NAV3: variants seen among roughly 807,000 people sequenced by gnomAD.
NAV3 encodes pore membrane and/or filament interacting like protein 1.
In NAV3, 87 loss-of-function variants were observed where a neutral mutation model predicts 244.7. That is an observed-to-expected ratio of 0.36 (90% confidence interval 0.30 to 0.42). NAV3 has a LOEUF of 0.42. Ranked by LOEUF, NAV3 falls within the 20% of genes least tolerant of loss-of-function variation. The pLI, the probability that NAV3 is intolerant of heterozygous loss-of-function variation, is 1.00. For missense variants in NAV3, 2,663 were observed against 2,893.3 expected, an observed-to-expected ratio of 0.92 and a Z score of 1.83; for synonymous variants, 1,126 against 1,042.2, an observed-to-expected ratio of 1.08 and a Z score of -1.55.
chr12:78,134,556 G>C (rs1956293487), intron 18 of NAV3, among the ~76,000 whole-genome samples: 1 of 152,174 alleles, frequency 6.6e-6, no homozygotes, highest in Non-Finnish European at 1.5e-5. Context: ...ATGTCTAGCT[G>C]TAGATGCAAA....
chr12:77,706,523 C>T (rs1289567042), intron 2 of NAV3, among the ~76,000 whole-genome samples: 1 of 151,084 alleles, frequency 6.6e-6, no homozygotes, highest in East Asian at 1.9e-4. Flanking sequence ...CTTGGCTGAT[C>T]GTTATCAATA....
intron 2 of NAV3, among the ~76,000 whole-genome samples, chr12:77,606,649 A>G (rs1870683522): frequency 1.3e-5 from 2 of 152,146 alleles, no homozygotes; most frequent in South Asian, 4.1e-4. Flanking sequence ...GGAAAACCCC[A>G]TGAGAAATGT....
chr12:77,938,497 T>C lies in NAV3; in HGVS notation c.244-1822T>C, dbSNP rs147888079. 8.5e-4 allele frequency among the ~76,000 whole-genome samples: 129 copies of C among 152,304 alleles called. 1 individual carries two copies. The highest frequency in any genetic ancestry group is 4.9e-3 in the Admixed American group (75 of 15,288). On this transcript the variant is annotated intron_variant, in intron 1 of 39. Coordinates refer to ENST00000397909, the MANE Select transcript of NAV3 (RefSeq NM_001024383.2). ...ATGCAATGGGATGCTTCCAGTTGTT[T>C]ACATCTTTCAAGAAACTTAATCACC... is the stretch of plus-strand genomic sequence containing the variant.
chr12:77,746,533 T>TG, intron 2 of NAV3, among the ~76,000 whole-genome samples: 1 of 152,282 alleles, frequency 6.6e-6, no homozygotes, highest in Admixed American at 6.6e-5. Context: ...AATACTGTGT[T>TG]GGGCCCTATG....
chr12:77,708,939 A>T (rs1055922754), intron 2 of NAV3, among the ~76,000 whole-genome samples: 5 of 152,192 alleles, frequency 3.3e-5, no homozygotes, highest in Non-Finnish European at 7.4e-5. Flanking sequence ...GAAGTTGCTT[A>T]TCAGCTTAAG....
intron 9 of NAV3, among the ~76,000 whole-genome samples, chr12:78,030,166 C>A (rs1878739071): frequency 1.3e-5 from 2 of 152,140 alleles, no homozygotes; most frequent in African/African-American, 4.8e-5. Context: ...TGGTCCCAAG[C>A]ATTTCTGATA....
chr12:77,628,347 G>T (rs184580776), intron 2 of NAV3, among the ~76,000 whole-genome samples: 13 of 152,142 alleles, frequency 8.5e-5, no homozygotes, highest in African/African-American at 2.9e-4. Flanking sequence ...GAAGCAAGAG[G>T]CTTCAATAAC....
At chr12:77,781,113 G>T (rs1199758420) in intron 2 of NAV3, among the ~76,000 whole-genome samples, 1 of 152,116 alleles carries the variant, frequency 6.6e-6, no homozygotes, top group South Asian at 2.1e-4. Flanking sequence ...ATCTCACAAG[G>T]CTGCAATGAA....
intron 2 of NAV3, among the ~76,000 whole-genome samples, chr12:77,667,770 A>T (rs1212505038): frequency 2.0e-5 from 3 of 152,116 alleles, no homozygotes; most frequent in Admixed American, 1.3e-4. Context: ...CCCTAGGGCA[A>T]ATCTGCATCC....
chr12:77,804,551 C>T (rs374220500), intron 2 of NAV3, among the ~76,000 whole-genome samples: 3 of 152,244 alleles, frequency 2.0e-5, no homozygotes, highest in South Asian at 2.1e-4. Context: ...GGTACCAGTA[C>T]CATGCAGTTT....
At chr12:78,207,047 G>T (rs150536167) in intron 39 of NAV3, among the ~76,000 whole-genome samples, 4 of 151,532 alleles carry the variant, frequency 2.6e-5, no homozygotes, top group Non-Finnish European at 5.9e-5. Context: ...TAATAGAGAC[G>T]GGGTTTCTCT....
intron 2 of NAV3, among the ~76,000 whole-genome samples, chr12:77,606,142 G>A (rs1870662344): frequency 2.6e-5 from 4 of 152,068 alleles, no homozygotes; most frequent in Admixed American, 2.6e-4. Flanking sequence ...TTAATATTTT[G>A]TGTTTTGTCT....
At chr12:78,158,558 G>T (rs745841602) in intron 22 of NAV3, among the ~76,000 whole-genome samples, 2 of 152,066 alleles carry the variant, frequency 1.3e-5, no homozygotes, top group Non-Finnish European at 2.9e-5. Context: ...AAATGTGATG[G>T]AATATTATTT....
At chr12:77,620,357 G>A (rs539999367) in intron 2 of NAV3, among the ~76,000 whole-genome samples, 11 of 152,190 alleles carry the variant, frequency 7.2e-5, no homozygotes, top group Admixed American at 2.0e-4. Context: ...GCTGGACATA[G>A]TTGCTGAGGA....
chr12:77,638,635 A>G (rs941842688), intron 2 of NAV3, among the ~76,000 whole-genome samples: 2 of 152,216 alleles, frequency 1.3e-5, no homozygotes, highest in Admixed American at 1.3e-4. Flanking sequence ...GAGCAACTTA[A>G]GAGGATTCAT....
rs781007186 is a variant in NAV3, at chr12:77,831,632, G to A, written c.171G>A (p.Ala57=). 1.2e-5 allele frequency: 20 copies of A among 1,613,814 alleles called. No homozygotes were observed. Among genetic ancestry groups the A allele is most frequent in the South Asian group, 3.3e-5 (3 of 91,070 alleles). The change falls in exon 1 of 40, where the codon GCG becomes GCA. Residue 57 remains alanine (A), a synonymous_variant. Transcript: ENST00000397909. ...TESSMLSCQL[A]LKSTCEFGEK... is the part of the protein sequence containing the mutation. Reference sequence around the variant, plus strand: ...GCTCCATGCTTTCTTGTCAGCTTGCGTTAAAATCAACCTGTGAATTTGGAG... The same window carrying A: ...GCTCCATGCTTTCTTGTCAGCTTGCATTAAAATCAACCTGTGAATTTGGAG...
intron 8 of NAV3, among the ~76,000 whole-genome samples, chr12:78,013,329 G>A (rs976444675): frequency 6.6e-6 from 1 of 152,024 alleles, no homozygotes; most frequent in Non-Finnish European, 1.5e-5. Context: ...AGCTCCCCAG[G>A]AGTGAAATAG....
Position 78,101,222 on chromosome 12 carries a change from A to G in NAV3, c.2637-15550A>G, listed in dbSNP as rs1049814923. Reference sequence around the variant, plus strand: ...TGAAAGAGAATCTGCTTCCCCCACCATAAACTACAAAGTGAAACAACTCAG... The same window carrying G: ...TGAAAGAGAATCTGCTTCCCCCACCGTAAACTACAAAGTGAAACAACTCAG... On this transcript the variant is annotated intron_variant, in intron 12 of 39. Transcript: ENST00000397909. Among the ~76,000 whole-genome samples, 8 of 152,330 alleles carry G rather than the reference A, an allele frequency of 5.3e-5. No individual in the cohort carries two copies. In the South Asian group the frequency reaches 1.2e-3, roughly 24 times the overall value.
chr12:78,172,015 A>G (rs1419878527), intron 24 of NAV3, among the ~76,000 whole-genome samples: 1 of 151,648 alleles, frequency 6.6e-6, no homozygotes, highest in Non-Finnish European at 1.5e-5. Context: ...TATTAAGTAT[A>G]GGCATTATCA....
Sources: allele counts gnomAD v4.1 joint callset (sites outside exome capture counted in the v4.1 genomes callset), GRCh38; gene constraint gnomAD v4.1.1; transcripts MANE v1.5; gene names NCBI Gene and HGNC (gene_info 2026-07-23, HGNC 2026-07-21).